The following MARCHF11 variants were observed in gnomAD, a reference collection of about 807,000 sequenced individuals.
MARCHF11 encodes membrane associated ring-CH-type finger 11, also known as E3 ubiquitin-protein ligase MARCHF11.
In MARCHF11, 29 loss-of-function variants were observed where a neutral mutation model predicts 37.3. The observed-to-expected ratio is 0.78, with a 90% CI of 0.58 to 1.06. The LOEUF is 1.06. MARCHF11 is among the 50% of genes least tolerant of loss of function. The pLI, the probability that MARCHF11 is intolerant of heterozygous loss-of-function variation, is 0.00. For synonymous variants in MARCHF11, 233 were observed against 228.0 expected (o/e 1.02, Z -0.20); for missense variants, 482 against 533.4 (o/e 0.90, Z 0.95).
At chr5:16,068,644 C>T (rs1736388321) in intron 3 of MARCHF11, among the ~76,000 whole-genome samples, 1 of 152,228 alleles carries the variant, frequency 6.6e-6, no homozygotes. Context: ...AGACAGGATG[C>T]ACTAGCACAT....
intron 2 of MARCHF11, among the ~76,000 whole-genome samples, chr5:16,161,082 A>T (rs1462477234): frequency 6.6e-6 from 1 of 151,944 alleles, no homozygotes; most frequent in Admixed American, 6.6e-5. Flanking sequence ...CATGTACACA[A>T]CGTGCAGGTT....
intron 2 of MARCHF11, among the ~76,000 whole-genome samples, chr5:16,121,507 C>T (rs548900121): frequency 6.6e-6 from 1 of 152,114 alleles, no homozygotes; most frequent in Non-Finnish European, 1.5e-5. Flanking sequence ...GCAATAACTA[C>T]TATAGAGAGA....
intron 2 of MARCHF11, among the ~76,000 whole-genome samples, chr5:16,121,167 T>G (rs1737303245): frequency 6.6e-6 from 1 of 152,244 alleles, no homozygotes. Flanking sequence ...CCTTCAGATT[T>G]CTGCCCAACT....
At position 16,110,078 on chromosome 5, in the gene MARCHF11, T is replaced by C. The variant is rs566414566; in HGVS notation, c.694-18997A>G. ...TGATAGAAAACAATCCCAGTAATGT[T>C]TTATCAAGTGGGCAACTATCGTAAC... On this transcript the variant is annotated intron_variant, in intron 2 of 3. Coordinates refer to ENST00000332432, the MANE Select transcript of MARCHF11 (RefSeq NM_001102562.3). 3.0e-3 allele frequency among the ~76,000 whole-genome samples: 463 copies of C among 152,298 alleles called. 3 individuals carry two copies. Among genetic ancestry groups the C allele is most frequent in the African/African-American group, 0.011 (437 of 41,564 alleles).
intron 2 of MARCHF11, among the ~76,000 whole-genome samples, chr5:16,100,099 G>C (rs1471040904): frequency 6.6e-6 from 1 of 151,938 alleles, no homozygotes; most frequent in Non-Finnish European, 1.5e-5. Flanking sequence ...GGTTACACTG[G>C]GGGTTCCTGG....
intron 2 of MARCHF11, among the ~76,000 whole-genome samples, chr5:16,159,188 T>A (rs1405597608): frequency 6.6e-6 from 1 of 151,914 alleles, no homozygotes; most frequent in African/African-American, 2.4e-5. Context: ...TCTTGAAAAA[T>A]TATATAAATG....
At chr5:16,174,072 T>C (rs1178094826) in intron 2 of MARCHF11, among the ~76,000 whole-genome samples, 3 of 152,324 alleles carry the variant, frequency 2.0e-5, no homozygotes, top group African/African-American at 7.2e-5. Context: ...CAAAGATCCA[T>C]CATGCCTCTG....
At chr5:16,171,543 A>C (rs897777496) in intron 2 of MARCHF11, among the ~76,000 whole-genome samples, 1 of 152,138 alleles carries the variant, frequency 6.6e-6, no homozygotes, top group Non-Finnish European at 1.5e-5. Flanking sequence ...CTATTTCCTG[A>C]CACATTAAGA....
At chr5:16,148,218 T>A (rs1160624050) in intron 2 of MARCHF11, among the ~76,000 whole-genome samples, 1 of 152,104 alleles carries the variant, frequency 6.6e-6, no homozygotes, top group African/African-American at 2.4e-5. Flanking sequence ...TGAATTTACT[T>A]TATGTTAAAA....
intron 2 of MARCHF11, among the ~76,000 whole-genome samples, chr5:16,108,120 C>T (rs566074551): frequency 5.4e-4 from 83 of 152,318 alleles, no homozygotes; most frequent in African/African-American, 1.6e-3. Flanking sequence ...CATTCGTGGA[C>T]GGCAAAGCTG....
intron 3 of MARCHF11, among the ~76,000 whole-genome samples, chr5:16,068,531 T>G (rs930433925): frequency 2.6e-5 from 4 of 152,124 alleles, no homozygotes; most frequent in African/African-American, 9.7e-5. Flanking sequence ...TGCTCCAGGG[T>G]CCTTGCTCTT....
rs536937056 is a variant in MARCHF11 at position 16,095,736 on chromosome 5, T to A, written c.694-4655A>T. 3.8e-3 allele frequency among the ~76,000 whole-genome samples: 578 copies of A among 152,250 alleles called. 5 individuals are homozygous for A. Among genetic ancestry groups the A allele is most frequent in the Non-Finnish European group, 4.9e-3 (332 of 68,006 alleles). On this transcript the variant is annotated intron_variant, in intron 2 of 3. Transcript: ENST00000332432. The stretch of plus-strand genomic sequence containing the variant: ...AGGATTCTTCGATCTGGGCCCCCAC[T>A]GTCTACTATTTATACTTCTGGGGAA...
At chr5:16,158,975 C>T (rs1236673231) in intron 2 of MARCHF11, among the ~76,000 whole-genome samples, 1 of 151,808 alleles carries the variant, frequency 6.6e-6, no homozygotes, top group Non-Finnish European at 1.5e-5. Context: ...GTTGTTCTCA[C>T]CCCCAACAAA....
intron 2 of MARCHF11, among the ~76,000 whole-genome samples, chr5:16,122,214 C>T (rs1185110273): frequency 2.6e-5 from 4 of 152,136 alleles, no homozygotes; most frequent in Non-Finnish European, 5.9e-5. Context: ...GGGCCTTGGT[C>T]CCTAAGCATC....
intron 2 of MARCHF11, among the ~76,000 whole-genome samples, chr5:16,130,839 C>T (rs909310141): frequency 6.6e-6 from 1 of 152,192 alleles, no homozygotes; most frequent in South Asian, 2.1e-4. Flanking sequence ...CTAGACATCA[C>T]ATTTTCCATT....
At chr5:16,167,612 C>T (rs79484199) in intron 2 of MARCHF11, among the ~76,000 whole-genome samples, 2 of 152,016 alleles carry the variant, frequency 1.3e-5, no homozygotes, top group Non-Finnish European at 2.9e-5. Flanking sequence ...ACAGACATAC[C>T]CAGAATATTG....
At chr5:16,113,159 T>C (rs956759752) in intron 2 of MARCHF11, among the ~76,000 whole-genome samples, 1 of 152,184 alleles carries the variant, frequency 6.6e-6, no homozygotes, top group Non-Finnish European at 1.5e-5. Flanking sequence ...TAAACTTGGC[T>C]CCAGCAGACC....
chr5:16,078,510 G>A (rs375245089), intron 3 of MARCHF11, among the ~76,000 whole-genome samples: 1 of 152,124 alleles, frequency 6.6e-6, no homozygotes, highest in Admixed American at 6.5e-5. Flanking sequence ...TGTCTCCCCT[G>A]CCCTGCTGGT....
chr5:16,093,399 GA>G (rs1736816302), intron 2 of MARCHF11, among the ~76,000 whole-genome samples: 1 of 152,196 alleles, frequency 6.6e-6, no homozygotes, highest in Admixed American at 6.5e-5. Flanking sequence ...CTCCTTGCAT[GA>G]TAATTCACCG....
Sources: gnomAD v4.1 joint callset for allele counts (sites outside exome capture counted in the v4.1 genomes callset) on GRCh38, gnomAD v4.1.1 for gene constraint, MANE v1.5 for transcripts, NCBI Gene and HGNC (gene_info 2026-07-23, HGNC 2026-07-21) for gene names.